The following TMEM132D variants were observed in gnomAD, a reference collection of about 807,000 sequenced individuals.
TMEM132D encodes the protein mature OL transmembrane protein.
In TMEM132D, 21 loss-of-function variants were observed where a neutral mutation model predicts 62.3. The observed-to-expected ratio is 0.34, with a 90% CI of 0.24 to 0.49. The LOEUF (loss-of-function observed/expected upper bound fraction) is 0.49. Ranked by LOEUF, TMEM132D falls within the 20% of genes least tolerant of loss-of-function variation. The pLI is 0.99. For synonymous variants in TMEM132D, 621 were observed against 575.6 expected (o/e 1.08, Z -1.13); for missense variants, 1,346 against 1,402.8 (o/e 0.96, Z 0.65).
chr12:129,705,365 G>T (rs953346934), intron 1 of TMEM132D, among the ~76,000 whole-genome samples: 3 of 151,758 alleles, frequency 2.0e-5, no homozygotes, highest in African/African-American at 4.8e-5. Context: ...TTGCATCAAG[G>T]GTAAAGAGTA....
chr12:129,097,869 C>T (rs79303542), intron 5 of TMEM132D, among the ~76,000 whole-genome samples: 3,215 of 152,316 alleles, frequency 0.021, 124 homozygotes, highest in African/African-American at 0.073. Flanking sequence ...AAGCTGAAAG[C>T]TTGTATTCAC....
intron 1 of TMEM132D, among the ~76,000 whole-genome samples, chr12:129,845,698 A>G (rs1873338207): frequency 6.6e-6 from 1 of 152,226 alleles, no homozygotes; most frequent in South Asian, 2.1e-4. Flanking sequence ...TCAAAATGAC[A>G]CAGGGCAGAT....
intron 3 of TMEM132D, among the ~76,000 whole-genome samples, chr12:129,441,225 G>T (rs1872927396): frequency 6.6e-6 from 1 of 152,156 alleles, no homozygotes; most frequent in Admixed American, 6.5e-5. Flanking sequence ...ATCAGGAAAG[G>T]GTAGAGTCTC....
At chr12:129,550,596 A>G (rs1012980560) in intron 2 of TMEM132D, among the ~76,000 whole-genome samples, 1 of 152,204 alleles carries the variant, frequency 6.6e-6, no homozygotes, top group South Asian at 2.1e-4. Context: ...TTTCACAGCC[A>G]TTACCAGTCT....
At chr12:129,728,550 G>A (rs555042303) in intron 1 of TMEM132D, among the ~76,000 whole-genome samples, 9 of 152,318 alleles carry the variant, frequency 5.9e-5, no homozygotes, top group East Asian at 3.9e-4. Flanking sequence ...CCTGCAGGGC[G>A]TGAGTCTCAT....
At chr12:129,803,433 A>C (rs1238557243) in intron 1 of TMEM132D, among the ~76,000 whole-genome samples, 1 of 152,270 alleles carries the variant, frequency 6.6e-6, no homozygotes, top group East Asian at 1.9e-4. Context: ...CTGCTCCTGA[A>C]TGACTACTGG....
chr12:129,699,763 C>G (rs113904137), intron 2 of TMEM132D, 47 bp downstream of exon 2: 1 of 1,590,676 alleles, frequency 6.3e-7, no homozygotes. Context: ...TGGAAAACAC[C>G]ACCTGATCGA....
At chr12:129,495,138 C>A (rs924998717) in intron 3 of TMEM132D, among the ~76,000 whole-genome samples, 9 of 150,810 alleles carry the variant, frequency 6.0e-5, no homozygotes, top group Non-Finnish European at 1.3e-4. Context: ...GTTACCTTTA[C>A]AAAGGGGGCA....
intron 3 of TMEM132D, among the ~76,000 whole-genome samples, chr12:129,443,194 C>G (rs930103288): frequency 2.0e-5 from 3 of 152,148 alleles, no homozygotes; most frequent in Admixed American, 6.5e-5. Flanking sequence ...AGGGTAAAAC[C>G]CCCAAAGCAC....
chr12:129,248,554 T>TA (rs892780974), intron 4 of TMEM132D, among the ~76,000 whole-genome samples: 26 of 150,918 alleles, frequency 1.7e-4, no homozygotes, highest in Admixed American at 1.3e-3. Flanking sequence ...AGTACTCACT[T>TA]AAAATTTTTT....
chr12:129,719,096 A>AAAAAAAAAAAAAAG (rs1555227254), intron 1 of TMEM132D, among the ~76,000 whole-genome samples: 1 of 144,442 alleles, frequency 6.9e-6, no homozygotes, highest in Non-Finnish European at 1.5e-5. Context: ...AAAAAAAAAA[A>AAAAAAAAAAAAAAG]AAAGAAAAAA....
In TMEM132D at chr12:129,099,815, T is replaced by A. The variant is rs10459114; in HGVS notation, c.1444-15113A>T. On this transcript the variant is annotated intron_variant, in intron 5 of 8. Coordinates refer to ENST00000422113, the MANE Select transcript of TMEM132D (RefSeq NM_133448.3). ...GAGCGAAACCCACTTTATTTTTTTT[T>A]ATTTTTTTTATTTTTATTTTTATTT... Among the ~76,000 whole-genome samples the A allele has an allele frequency of 9.2e-5, 13 of 141,230 alleles. 2 individuals carry two copies. Among genetic ancestry groups the A allele is most frequent in the African/African-American group, 2.8e-4 (9 of 32,472 alleles). The allele number at this position is 141,230 out of a possible 152,430, so 92.7% of individuals were successfully genotyped here.
At chr12:129,706,011 C>T (rs1007969166) in intron 1 of TMEM132D, among the ~76,000 whole-genome samples, 6 of 151,932 alleles carry the variant, frequency 3.9e-5, no homozygotes, top group Non-Finnish European at 8.8e-5. Context: ...ATTTTGGTTT[C>T]TATGCTTATA....
At chr12:129,456,919 C>A (rs1451543295) in intron 3 of TMEM132D, among the ~76,000 whole-genome samples, 1 of 152,166 alleles carries the variant, frequency 6.6e-6, no homozygotes, top group Admixed American at 6.6e-5. Flanking sequence ...TGAGACTGGG[C>A]AGTTTATAAG....
intron 1 of TMEM132D, among the ~76,000 whole-genome samples, chr12:129,762,824 A>C (rs979632497): frequency 6.6e-6 from 1 of 152,162 alleles, no homozygotes; most frequent in South Asian, 2.1e-4. Context: ...GAGCTGAAAA[A>C]GCTGTCTAAT....
intron 5 of TMEM132D, among the ~76,000 whole-genome samples, chr12:129,116,375 A>C (rs76888979): frequency 0.014 from 2,062 of 152,330 alleles, 41 homozygotes; most frequent in African/African-American, 0.047. Context: ...TAACACTGCA[A>C]ATCTAAATCT....
At chr12:129,375,111 C>A (rs755924649) in intron 3 of TMEM132D, among the ~76,000 whole-genome samples, 1 of 152,230 alleles carries the variant, frequency 6.6e-6, no homozygotes, top group Non-Finnish European at 1.5e-5. Flanking sequence ...GGAACTTGGG[C>A]TGCAGTACAG....
At chr12:129,373,938 T>C (rs1870701841) in intron 3 of TMEM132D, among the ~76,000 whole-genome samples, 2 of 152,174 alleles carry the variant, frequency 1.3e-5, no homozygotes, top group African/African-American at 4.8e-5. Context: ...TTAGTGCTTC[T>C]GGGAAGGCAA....
At chr12:129,848,184 T>C (rs1383451865) in intron 1 of TMEM132D, among the ~76,000 whole-genome samples, 2 of 152,228 alleles carry the variant, frequency 1.3e-5, no homozygotes, top group Non-Finnish European at 2.9e-5. Flanking sequence ...CCTTTGTACC[T>C]GACATCTATT....
Sources: gnomAD v4.1 joint callset for allele counts (sites outside exome capture counted in the v4.1 genomes callset) on GRCh38, gnomAD v4.1.1 for gene constraint, MANE v1.5 for transcripts, NCBI Gene and HGNC (gene_info 2026-07-23, HGNC 2026-07-21) for gene names.